The following DNAI1 variants were observed in gnomAD, a reference collection of about 807,000 sequenced individuals.
The protein encoded by DNAI1 is dynein, axonemal, intermediate polypeptide 1.
In DNAI1, 67 loss-of-function variants were observed where a neutral mutation model predicts 92.0. That is an observed-to-expected ratio of 0.73 (90% CI 0.60 to 0.89). The LOEUF is 0.89. Among genes scored for constraint, DNAI1 ranks in the 40% least tolerant of loss-of-function variants. The pLI, the probability that DNAI1 is intolerant of heterozygous loss-of-function variation, is 0.00. For synonymous variants in DNAI1, 323 were observed against 319.6 expected (o/e 1.01, Z -0.11); for missense variants, 839 against 866.6 (o/e 0.97, Z 0.40).
At position 34,465,712 on chromosome 9, in the gene DNAI1, G is replaced by A. The variant is rs6476449; in HGVS notation, c.48+6659G>A. Among the ~76,000 whole-genome samples the A allele has an allele frequency of 3.3e-3, 502 of 152,354 alleles. 3 individuals carry two copies. The highest frequency in any genetic ancestry group is 0.011 in the African/African-American group (438 of 41,574). On this transcript the variant is annotated intron_variant, in intron 1 of 19. Transcript: ENST00000242317. ...ATGGCAGAGGGCTCCTGTGCTCGTTGCTGGGCTTTGCAGCCTGCAAGTTGA... is the reference window on the plus strand; with the variant it reads ...ATGGCAGAGGGCTCCTGTGCTCGTTACTGGGCTTTGCAGCCTGCAAGTTGA...
rs534713601 is a variant in DNAI1, at chr9:34,490,389, A to G, written c.522A>G (p.Glu174=). The G allele has an allele frequency of 8.7e-6, 14 of 1,613,340 alleles. No individual in the cohort carries two copies. The African/African-American group carries it at 1.9e-4, about 21-fold the overall frequency. ...PAAGAAEKVT[E]EELMTPKQPK... ...TTCAGGCAGCTGAAAAAGTGACTGA[A>G]GAAGAATTGATGACTCCTAAGCAGC... The change falls in exon 7 of 20, where the codon GAA becomes GAG. Residue 174 remains glutamate, a synonymous_variant. Transcript: ENST00000242317.
intron 12 of DNAI1, among the ~76,000 whole-genome samples, chr9:34,501,817 G>A (rs1001561269): frequency 6.6e-6 from 1 of 152,200 alleles, no homozygotes; most frequent in African/African-American, 2.4e-5. Flanking sequence ...GGAGCCCACT[G>A]CTATCCAGAG....
At chr9:34,474,402 TTTTG>T (rs1824200427) in intron 1 of DNAI1, among the ~76,000 whole-genome samples, 1 of 151,530 alleles carries the variant, frequency 6.6e-6, no homozygotes, top group Non-Finnish European at 1.5e-5. Flanking sequence ...GCCTGGCTAA[TTTTG>T]TTTATTTTTT....
At chr9:34,501,235 A>G in intron 12 of DNAI1, 54 bp downstream of exon 12, 1 of 1,382,462 alleles carries the variant, frequency 7.2e-7, no homozygotes, top group Non-Finnish European at 1.0e-6. Flanking sequence ...AACACTAAGT[A>G]CCTACTCTGT....
At chr9:34,509,919 A>G (rs962147245) in intron 13 of DNAI1, among the ~76,000 whole-genome samples, 3 of 152,116 alleles carry the variant, frequency 2.0e-5, no homozygotes, top group African/African-American at 7.2e-5. Context: ...AAAAAAAGAA[A>G]AAAAAGAAAA....
At chr9:34,460,825 AT>A (rs911461298) in intron 1 of DNAI1, among the ~76,000 whole-genome samples, 18 of 149,992 alleles carry the variant, frequency 1.2e-4, no homozygotes, top group Admixed American at 7.9e-4. Context: ...TGCCTGGCTA[AT>A]TTTTTTTTAT....
intron 9 of DNAI1, among the ~76,000 whole-genome samples, chr9:34,494,562 G>A (rs1338449003): frequency 6.6e-6 from 1 of 152,170 alleles, no homozygotes; most frequent in African/African-American, 2.4e-5. Flanking sequence ...TCTGTACTGG[G>A]ACCCATGGTT....
At chr9:34,512,534 C>T in intron 15 of DNAI1, 110 bp downstream of exon 15, 2 of 1,081,252 alleles carry the variant, frequency 1.8e-6, no homozygotes, top group Non-Finnish European at 2.8e-6. Context: ...CCAACCTGTG[C>T]CAGGGCCTGA....
Position 34,501,179 on chromosome 9 carries a change from C to G in DNAI1, c.1061C>G (p.Ser354Cys), listed in dbSNP as rs1414903945. 6.2e-7 allele frequency: 1 copy of G among 1,611,548 alleles called. No homozygotes were observed. Among genetic ancestry groups the G allele is most frequent in the African/African-American group, 1.3e-5 (1 of 74,842 alleles). Residue 354 changes from serine to cysteine, a missense_variant and splice_region_variant, in exon 12 of 20, where the codon TCT (serine) becomes TGT (cysteine). By Grantham distance (112) the Ser-to-Cys change is moderately radical. Coordinates refer to ENST00000242317, the MANE Select transcript of DNAI1 (RefSeq NM_012144.4). ...YRDLFAVGYG[S>C]YDFMKQSRGM... ...GATCTGTTTGCAGTGGGATATGGCT[C>G]TTGTAAGTGATCTGACTATTCATTT...
At chr9:34,513,723 C>T (rs1476309160) in intron 16 of DNAI1, among the ~76,000 whole-genome samples, 1 of 152,184 alleles carries the variant, frequency 6.6e-6, no homozygotes, top group Non-Finnish European at 1.5e-5. Flanking sequence ...CAGGCAGCCT[C>T]TTGGGAGCCC....
intron 1 of DNAI1, among the ~76,000 whole-genome samples, chr9:34,474,626 T>C (rs1278706021): frequency 7.0e-6 from 1 of 142,862 alleles, no homozygotes; most frequent in Non-Finnish European, 1.5e-5. Flanking sequence ...TGGAGTACAG[T>C]GGTGCAATCT....
chr9:34,506,474 A>T (rs1824932218), intron 12 of DNAI1, among the ~76,000 whole-genome samples, 153 bp from the exon 13 acceptor site: 1 of 152,188 alleles, frequency 6.6e-6, no homozygotes, highest in South Asian at 2.1e-4. Flanking sequence ...TCCACTTCAC[A>T]GATGGAAAAG....
intron 1 of DNAI1, among the ~76,000 whole-genome samples, chr9:34,472,755 A>G (rs1824163826): frequency 6.6e-6 from 1 of 152,142 alleles, no homozygotes; most frequent in Non-Finnish European, 1.5e-5. Flanking sequence ...TTTAAAAATT[A>G]ACTAGGCCTG....
chr9:34,508,565 T>C (rs1251480338), intron 13 of DNAI1, among the ~76,000 whole-genome samples: 1 of 152,154 alleles, frequency 6.6e-6, no homozygotes, highest in Non-Finnish European at 1.5e-5. Flanking sequence ...GTCTTGATCA[T>C]ACCTGGCCCA....
intron 12 of DNAI1, 56 bp from the exon 13 acceptor site, chr9:34,506,571 T>C: frequency 6.2e-7 from 1 of 1,612,106 alleles, no homozygotes. Flanking sequence ...TGAGGGGGCT[T>C]CTCCAGGCAG....
intron 13 of DNAI1, among the ~76,000 whole-genome samples, chr9:34,510,958 G>T (rs560794329): frequency 1.3e-5 from 2 of 152,146 alleles, no homozygotes; most frequent in African/African-American, 4.8e-5. Context: ...CTGAAGCTCC[G>T]ATCCACCAGG....
chr9:34,492,493 G>GATATATATATAT (rs752863173), intron 8 of DNAI1, among the ~76,000 whole-genome samples: 1,641 of 67,720 alleles, frequency 0.024, 89 homozygotes, highest in Non-Finnish European at 0.033. Context: ...GGGATATGAA[G>GATATATATATAT]ATATATATAT....
intron 8 of DNAI1, among the ~76,000 whole-genome samples, chr9:34,492,065 G>C (rs1174129245): frequency 6.6e-6 from 1 of 152,138 alleles, no homozygotes; most frequent in East Asian, 1.9e-4. Flanking sequence ...CATACTTTAA[G>C]ATCCTGAGCA....
chr9:34,465,572 A>T (rs935251922), intron 1 of DNAI1, among the ~76,000 whole-genome samples: 3 of 152,238 alleles, frequency 2.0e-5, no homozygotes, highest in African/African-American at 7.2e-5. Context: ...ATGCACAATT[A>T]TCAGATTACA....
Sources: gnomAD v4.1 joint callset for allele counts (sites outside exome capture counted in the v4.1 genomes callset) on GRCh38, gnomAD v4.1.1 for gene constraint, MANE v1.5 for transcripts, NCBI Gene and HGNC (gene_info 2026-07-23, HGNC 2026-07-21) for gene names.